The following SPTBN2 variants were observed in gnomAD, a reference collection of about 807,000 sequenced individuals.
SPTBN2 encodes spectrin beta chain, non-erythrocytic 2.
Under a neutral mutation model 284.2 loss-of-function variants are expected in SPTBN2, and 107 were observed. The observed-to-expected ratio is 0.38, with a 90% confidence interval of 0.32 to 0.44. The LOEUF (loss-of-function observed/expected upper bound fraction) is 0.44. Ranked by LOEUF, SPTBN2 falls within the 20% of genes least tolerant of loss-of-function variation. The probability of loss-of-function intolerance (pLI) is 1.00; values close to 1 mark genes in which losing one functional copy is unlikely to be tolerated. For missense variants in SPTBN2, 2,569 were observed against 3,287.1 expected (o/e 0.78, Z 5.34); for synonymous variants, 1,289 against 1,354.8 (o/e 0.95, Z 1.07).
intron 1 of SPTBN2, 151 bp downstream of exon 1, chr11:66,728,590 G>T (rs1942726274): frequency 6.6e-6 from 1 of 151,732 alleles, no homozygotes; most frequent in South Asian, 2.1e-4. Flanking sequence ...CTGCCTCGGG[G>T]CGAACGCGGC....
intron 1 of SPTBN2, among the ~76,000 whole-genome samples, chr11:66,725,837 A>G (rs562622067): frequency 6.6e-6 from 1 of 152,262 alleles, no homozygotes; most frequent in East Asian, 1.9e-4. Context: ...TTCAGCTGAC[A>G]TGTTAAGCTA....
Position 66,715,401 on chromosome 11 carries a change from G to C in SPTBN2, c.310-6C>G. 1.2e-6 allele frequency: 2 copies of C among 1,608,396 alleles called. No homozygotes were observed. Among genetic ancestry groups the C allele is most frequent in the Non-Finnish European group, 1.7e-6 (2 of 1,175,656 alleles). On this transcript the variant is annotated splice_region_variant and splice_polypyrimidine_tract_variant and intron_variant, in intron 4 of 37. Transcript: ENST00000533211. The surrounding 1 kb of genome is among the most constrained non-coding windows in gnomAD (Gnocchi z 5.3). ...CGGCCCTTTGTAGGCTTTGGCTGTGGAGGGACGGGGGCAAAATGGCACGGG... is the reference window on the plus strand; with the variant it reads ...CGGCCCTTTGTAGGCTTTGGCTGTGCAGGGACGGGGGCAAAATGGCACGGG...
At position 66,696,558 on chromosome 11, in the gene SPTBN2, A is replaced by C; in HGVS notation, c.4015-18T>G. Reference sequence around the variant, plus strand: ...CGCCCTTCCTGGAAGGCAGGACAGAAAATGTCAAAGTGCCCAAATTAGCCT... The same window carrying C: ...CGCCCTTCCTGGAAGGCAGGACAGACAATGTCAAAGTGCCCAAATTAGCCT... On this transcript the variant is annotated intron_variant, in intron 20 of 37. Transcript: ENST00000533211. 6.2e-7 allele frequency: 1 copy of C among 1,609,516 alleles called. No individual in the cohort carries two copies. Among genetic ancestry groups the C allele is most frequent in the Non-Finnish European group, 8.5e-7 (1 of 1,180,002 alleles).
intron 3 of SPTBN2, among the ~76,000 whole-genome samples, chr11:66,719,883 A>G (rs1176683728): frequency 6.6e-6 from 1 of 152,178 alleles, no homozygotes; most frequent in African/African-American, 2.4e-5. Flanking sequence ...TGATGTATAG[A>G]CACACTGGTA....
Position 66,690,118 on chromosome 11 carries a change from G to A in SPTBN2, c.5731C>T (p.Arg1911Cys), listed in dbSNP as rs141392350. Residue 1911 changes from arginine to cysteine, a missense_variant, in exon 28 of 38, where the codon CGC (arginine) becomes TGC (cysteine). Arg to Cys is a radical substitution (Grantham distance 180). Around this residue, in one of 6 missense-constraint regions of SPTBN2, gnomAD observed 1,130 missense variants for 1,317.3 expected, o/e 0.86. Coordinates refer to ENST00000533211, the MANE Select transcript of SPTBN2 (RefSeq NM_006946.4). Reference sequence around the variant, plus strand: ...AGTTCCCGGACAGCCTTGAAGAAGCGGAACTTGTCTGTGGTGTCCAGCAGC... The same window carrying A: ...AGTTCCCGGACAGCCTTGAAGAAGCAGAACTTGTCTGTGGTGTCCAGCAGC... ...QLLLDTTDKF[R>C]FFKAVRELML... 2.2e-5 allele frequency: 35 copies of A among 1,614,140 alleles called. No homozygotes were observed. The highest frequency in any genetic ancestry group is 3.3e-5 in the Admixed American group (2 of 60,014).
In SPTBN2 at chr11:66,689,855, T is replaced by G. The variant is rs779835767; in HGVS notation, c.5899A>C (p.Ile1967Leu). 3 of 1,614,024 alleles carry G rather than the reference T, an allele frequency of 1.9e-6. No individual in the cohort carries two copies. The Admixed American group carries it at 5.0e-5, about 27-fold the overall frequency. ...EARADRFSSCIDMGKELLARS... is the reference protein window; with the variant it reads ...EARADRFSSCLDMGKELLARS... ...GCCAGCAGCTCCTTCCCCATGTCGA[T>G]GCAGGAGGAGAAGCGGTCTGCCCGG... Residue 1967 changes from isoleucine (I) to leucine (L), a missense_variant, in exon 29 of 38, where the codon ATC becomes CTC. By Grantham distance (5) the Ile-to-Leu change is conservative. Coordinates refer to ENST00000533211, the MANE Select transcript of SPTBN2 (RefSeq NM_006946.4).
rs1336208017 is a variant in SPTBN2, at chr11:66,739,183, C to G, written c.-475+5359G>C. On this transcript the variant is annotated intron_variant, in intron 1 of 37. Transcript: ENST00000611817. ...CTCCAACTCCTAGGCTCAAGCAATC[C>G]TCCTGCCTAGGCCTCCTCAAGTGCT... Among the ~76,000 whole-genome samples, 5 of 150,050 alleles carry G rather than the reference C, an allele frequency of 3.3e-5. No homozygotes were observed. The Middle Eastern group carries it at 0.011, about 326-fold the overall frequency.
rs573639670 is a variant in SPTBN2 at position 66,705,738 on chromosome 11, C to T, written c.1753G>A (p.Glu585Lys). The change falls in exon 14 of 38, where the codon GAG (glutamate) becomes AAG (lysine). Residue 585 changes from glutamate to lysine, a missense_variant. Transcript: ENST00000533211. ...LVEADIAVQA[E>K]RVRAVSASAL... is the part of the protein sequence containing the mutation. ...GAGGCGCTGACGGCCCGCACCCTCT[C>T]GGCCTGCACGGCGATGTCTGCCTCC... 22 of 1,612,586 alleles carry T rather than the reference C, an allele frequency of 1.4e-5. No individual in the cohort carries two copies. Among genetic ancestry groups the T allele is most frequent in the Admixed American group, 1.7e-5 (1 of 59,998 alleles).
Position 66,693,107 on chromosome 11 carries a change from G to A in SPTBN2, c.4855-7C>T. 1 of 1,614,204 alleles carries A rather than the reference G, an allele frequency of 6.2e-7. No individual in the cohort carries two copies. Among genetic ancestry groups the A allele is most frequent in the Non-Finnish European group, 8.5e-7 (1 of 1,180,042 alleles). On this transcript the variant is annotated splice_polypyrimidine_tract_variant and splice_region_variant and intron_variant, in intron 24 of 37. Coordinates refer to ENST00000533211, the MANE Select transcript of SPTBN2 (RefSeq NM_006946.4). This position sits in a 1 kb window ranked among gnomAD's most constrained non-coding sequence, Gnocchi z 5.7. The stretch of plus-strand genomic sequence containing the variant: ...CCTGGGCACTCAGCTCATCCTGGGG[G>A]AAGGGACAGTGGCATCCAGCATCAG...
chr11:66,687,074 T>C lies in SPTBN2; in HGVS notation c.6816A>G (p.Gly2272=). The change falls in exon 36 of 38, where the codon GGA becomes GGG. Residue 2272 remains glycine, a synonymous_variant. Transcript: ENST00000533211. The surrounding 1 kb of genome is among the most constrained non-coding windows in gnomAD (Gnocchi z 5.2). ...CCCTGGCCAGGCTGACAGGCACTTC[T>C]CCGTGGTATGGCACTCCCGCGCTGG... ...KAASAGVPYH[G]EVPVSLARAQ... 1 of 1,614,126 alleles carries C rather than the reference T, an allele frequency of 6.2e-7. No homozygotes were observed. Among genetic ancestry groups the C allele is most frequent in the South Asian group, 1.1e-5 (1 of 91,086 alleles).
Position 66,691,336 on chromosome 11 carries a change from A to G in SPTBN2, c.5513T>C (p.Leu1838Pro). The G allele has an allele frequency of 6.4e-7, 1 of 1,560,612 alleles. No individual in the cohort carries two copies. The highest frequency in any genetic ancestry group is 8.7e-7 in the Non-Finnish European group (1 of 1,149,412). The change falls in exon 27 of 38, where the codon CTG (leucine) becomes CCG (proline). Residue 1838 changes from leucine to proline, a missense_variant. Around this residue, in one of 6 missense-constraint regions of SPTBN2, gnomAD observed 1,130 missense variants for 1,317.3 expected, o/e 0.86. Transcript: ENST00000533211. The surrounding 1 kb of genome is among the most constrained non-coding windows in gnomAD (Gnocchi z 8.0). ...TGRDLNAAEALQRRHCAYEHD... is the reference protein window; with the variant it reads ...TGRDLNAAEAPQRRHCAYEHD... ...CTCGTAGGCACAGTGTCGGCGCTGC[A>G]GGGCCTCGGCAGCGTTGAGGTCGCG...
intron 31 of SPTBN2, 131 bp from the exon 32 acceptor site, chr11:66,688,442 G>A (rs1006761124): frequency 2.6e-6 from 4 of 1,528,242 alleles, no homozygotes; most frequent in Non-Finnish European, 8.8e-7. Flanking sequence ...TGAGAAGATG[G>A]TGGGGACAAG....
In SPTBN2 at chr11:66,715,384, T is replaced by C. The variant is rs1218343430; in HGVS notation, c.321A>G (p.Thr107=). 1.9e-6 allele frequency: 3 copies of C among 1,612,798 alleles called. No individual in the cohort carries two copies. In the African/African-American group the frequency reaches 4.0e-5, roughly 22 times the overall value. Residue 107 remains threonine, a synonymous_variant, in exon 5 of 38, where the codon ACA becomes ACG. Transcript: ENST00000533211. This position sits in a 1 kb window ranked among gnomAD's most constrained non-coding sequence, Gnocchi z 5.3. ...VLSGEILPKP[T]KGRMRIHCLE... is the part of the protein sequence containing the mutation. Reference sequence around the variant, plus strand: ...GGCAGTGGATCCGCATGCGGCCCTTTGTAGGCTTTGGCTGTGGAGGGACGG... The same window carrying C: ...GGCAGTGGATCCGCATGCGGCCCTTCGTAGGCTTTGGCTGTGGAGGGACGG...
Position 66,700,839 on chromosome 11 carries a change from G to A in SPTBN2, c.3260C>T (p.Ala1087Val). Residue 1087 changes from alanine (A) to valine (V), a missense_variant, in exon 17 of 38, where the codon GCT becomes GTT. Coordinates refer to ENST00000533211, the MANE Select transcript of SPTBN2 (RefSeq NM_006946.4). This position sits in a 1 kb window ranked among gnomAD's most constrained non-coding sequence, Gnocchi z 6.6. ...FQAWLGRTQT[A>V]VASEEGPATL... The stretch of plus-strand genomic sequence containing the variant: ...GGCCGGCCCTTCTTCAGAGGCCACA[G>A]CAGTCTGAGTGCGGCCTAGCCAGGC... 1 of 1,600,298 alleles carries A rather than the reference G, an allele frequency of 6.2e-7. No homozygotes were observed. The highest frequency in any genetic ancestry group is 8.5e-7 in the Non-Finnish European group (1 of 1,179,822).
intron 1 of SPTBN2, among the ~76,000 whole-genome samples, chr11:66,722,892 CA>C (rs1293210992): frequency 0.015 from 849 of 55,230 alleles, 1 homozygote; most frequent in African/African-American, 0.041. Context: ...GATTCTGCCT[CA>C]AAAAAAAAAA....
Position 66,701,632 on chromosome 11 carries a change from G to C in SPTBN2, c.2768C>G (p.Pro923Arg), listed in dbSNP as rs1428729330. 4.3e-6 allele frequency: 7 copies of C among 1,613,956 alleles called. No individual in the cohort carries two copies. The highest frequency in any genetic ancestry group is 5.9e-6 in the Non-Finnish European group (7 of 1,180,040). Residue 923 changes from proline (P) to arginine (R), a missense_variant, in exon 16 of 38, where the codon CCC becomes CGC. Transcript: ENST00000533211. ...DIAEQLLKAN[P>R]PGKDRIVNTQ... ...GTTGACAATGCGGTCTTTGCCTGGGGGGTTGGCCTTCAGTAACTGCTCGGC... is the reference window on the plus strand; with the variant it reads ...GTTGACAATGCGGTCTTTGCCTGGGCGGTTGGCCTTCAGTAACTGCTCGGC...
rs780320060 is a variant in SPTBN2, at chr11:66,701,066, G to A, written c.3033C>T (p.Ile1011=). 2.2e-5 allele frequency: 35 copies of A among 1,610,914 alleles called. No individual in the cohort carries two copies. The highest frequency in any genetic ancestry group is 8.9e-5 in the East Asian group (4 of 44,882). Residue 1011 remains isoleucine, a synonymous_variant, in exon 17 of 38, where the codon ATC becomes ATT. Transcript: ENST00000533211. ...LAGTERDLEA[I]AARVGELTRE... The stretch of plus-strand genomic sequence containing the variant: ...GAGTCAGTTCGCCCACCCGGGCGGC[G>A]ATGGCCTCCAGGTCCCGCTCCGTGC...
At chr11:66,706,399 C>G (rs992700122) in intron 13 of SPTBN2, among the ~76,000 whole-genome samples, 2 of 152,176 alleles carry the variant, frequency 1.3e-5, no homozygotes, top group African/African-American at 4.8e-5. Flanking sequence ...AGCACAATCT[C>G]AGTTCACTGC....
Position 66,710,638 on chromosome 11 carries a change from C to T in SPTBN2, c.1017G>A (p.Gly339=), listed in dbSNP as rs1173942398. ...TGAAGGACTGCAGCTGGTTCTGGAC[C>T]CCGCTAAGGGAGTTGGCCAACTGCC... The part of the protein sequence containing the change: ...NDRQLANSLS[G]VQNQLQSFNS... Residue 339 remains glycine (G), a synonymous_variant, in exon 10 of 38, where the codon GGG becomes GGA. Coordinates refer to ENST00000533211, the MANE Select transcript of SPTBN2 (RefSeq NM_006946.4). This position sits in a 1 kb window ranked among gnomAD's most constrained non-coding sequence, Gnocchi z 4.9. The T allele has an allele frequency of 6.2e-7, 1 of 1,614,134 alleles. No individual in the cohort carries two copies. The highest frequency in any genetic ancestry group is 1.7e-5 in the Admixed American group (1 of 60,018).
Sources: allele counts gnomAD v4.1 joint callset (sites outside exome capture counted in the v4.1 genomes callset), GRCh38; gene constraint gnomAD v4.1.1; regional missense constraint gnomAD v4.1.1; non-coding constraint Gnocchi (gnomAD v3.1); transcripts MANE v1.5; gene names NCBI Gene and HGNC (gene_info 2026-07-23, HGNC 2026-07-21).